The following ADGRA2 variants were observed in gnomAD, a reference collection of about 807,000 sequenced individuals.
ADGRA2 encodes adhesion G protein-coupled receptor A2.
In ADGRA2, 61 loss-of-function variants were observed where a neutral mutation model predicts 98.7. The ratio of observed to expected loss-of-function variants is 0.62; its 90% confidence interval spans 0.50 to 0.76. The LOEUF (loss-of-function observed/expected upper bound fraction) is 0.76. ADGRA2 is among the 30% of genes least tolerant of loss of function. The pLI is 0.00. For synonymous variants in ADGRA2, 858 were observed against 831.5 expected, an observed-to-expected ratio of 1.03 and a Z score of -0.55; for missense variants, 1,712 against 1,860.0, an observed-to-expected ratio of 0.92 and a Z score of 1.46.
chr8:37,835,474 G>A, intron 12 of ADGRA2, 76 bp downstream of exon 12: 1 of 1,495,928 alleles, frequency 6.7e-7, no homozygotes, highest in Non-Finnish European at 9.3e-7. Flanking sequence ...GGCAGTGAGA[G>A]GAGGTGGGAG....
At chr8:37,801,238 G>C (rs550241488) in intron 1 of ADGRA2, among the ~76,000 whole-genome samples, 3 of 152,078 alleles carry the variant, frequency 2.0e-5, no homozygotes, top group Non-Finnish European at 2.9e-5. Context: ...ATTTTCATTC[G>C]CAGTTTTCCA....
chr8:37,840,336 G>T, intron 17 of ADGRA2, 70 bp downstream of exon 17: 1 of 1,531,872 alleles, frequency 6.5e-7, no homozygotes, highest in Non-Finnish European at 8.9e-7. Context: ...ACCTCCCAAG[G>T]TGGGTGAAGG....
At position 37,844,468 on chromosome 8, in the gene ADGRA2, A is replaced by G; in HGVS notation, c.*2113A>G. 1 of 1,607,602 alleles carries G rather than the reference A, an allele frequency of 6.2e-7. No homozygotes were observed. ...GTTATCAAGCTGTCAGAACAGGATG[A>G]AGTGCTCCCAGTGGATATCCATCAG... is the stretch of plus-strand genomic sequence containing the variant. On this transcript the variant is annotated 3_prime_UTR_variant, in exon 19 of 19. Coordinates refer to ENST00000412232, the MANE Select transcript of ADGRA2 (RefSeq NM_032777.10).
In ADGRA2 at chr8:37,799,414, G is replaced by T. The variant is rs573146073; in HGVS notation, c.266+1880G>T. Among the ~76,000 whole-genome samples the T allele has an allele frequency of 8.6e-5, 13 of 151,910 alleles. No individual in the cohort carries two copies. In the South Asian group the frequency reaches 2.5e-3, roughly 29 times the overall value. Reference sequence around the variant, plus strand: ...AAGAATTCAGAGCTGAGAGCTGTGCGTGCATGTGTGCACACTCTTGTGTCT... The same window carrying T: ...AAGAATTCAGAGCTGAGAGCTGTGCTTGCATGTGTGCACACTCTTGTGTCT... On this transcript the variant is annotated intron_variant, in intron 1 of 18. Transcript: ENST00000412232.
chr8:37,837,445 TG>T (rs1260035943), intron 13 of ADGRA2, among the ~76,000 whole-genome samples: 1 of 144,540 alleles, frequency 6.9e-6, no homozygotes, highest in Non-Finnish European at 1.5e-5. Context: ...CCCGCCAGCC[TG>T]AGTCCTCACC....
chr8:37,797,339 TGCTGCTCCTGGCGCCCGAG>T lies in ADGRA2; in HGVS notation c.75_93del (p.Leu26GlyfsTer23). 3 of 1,393,120 alleles carry T rather than the reference TGCTGCTCCTGGCGCCCGAG, an allele frequency of 2.2e-6. No individual in the cohort carries two copies. The highest frequency in any genetic ancestry group is 2.8e-6 in the Non-Finnish European group (3 of 1,077,524). The allele number at this position is 1,393,120 out of a possible 1,614,324, so 86.3% of individuals were successfully genotyped here. A position where few individuals can be genotyped will look rare whatever the true frequency, so the allele number is the denominator to read the frequency against. The stretch of plus-strand genomic sequence containing the variant: ...CTGCTGCCGCTGCTGCCGTGGCTCC[TGCTGCTCCTGGCGCCCGAG>T]GCTCGGGGCGCGCCCGGCTGCCCGC... On this transcript the variant is annotated frameshift_variant, in exon 1 of 19. Transcript: ENST00000412232. LOFTEE classifies it high-confidence loss of function. The surrounding 1 kb of genome is among the most constrained non-coding windows in gnomAD (Gnocchi z 5.3).
chr8:37,821,421 G>A (rs1261639176), intron 2 of ADGRA2, among the ~76,000 whole-genome samples: 1 of 152,202 alleles, frequency 6.6e-6, no homozygotes, highest in Non-Finnish European at 1.5e-5. Flanking sequence ...TTTGCCTACA[G>A]TTCCCAGCCT....
At chr8:37,804,130 C>CACACACACAT (rs1554522471) in intron 1 of ADGRA2, among the ~76,000 whole-genome samples, 1,702 of 148,658 alleles carry the variant, frequency 0.011, 32 homozygotes, top group African/African-American at 0.032. Context: ...CACACACACA[C>CACACACACAT]ACACACACAC....
rs770139947 is a variant in ADGRA2, at chr8:37,833,740, A to T, written c.1349A>T (p.Tyr450Phe). 1.2e-6 allele frequency: 2 copies of T among 1,614,060 alleles called. No homozygotes were observed. The highest frequency in any genetic ancestry group is 2.7e-5 in the African/African-American group (2 of 74,950). ...ACCCTGGCTCACCAGCTGCGCGTGT[A>T]CACAGCCGAGGCCGCTAGCTTTTCA... ...ALTLAHQLRV[Y>F]TAEAASFSDM... The change falls in exon 10 of 19, where the codon TAC becomes TTC. Residue 450 changes from tyrosine to phenylalanine, a missense_variant. By Grantham distance (22) the Tyr-to-Phe change is conservative (BLOSUM62 3). Coordinates refer to ENST00000412232, the MANE Select transcript of ADGRA2 (RefSeq NM_032777.10).
At position 37,844,719 on chromosome 8, in the gene ADGRA2, C is replaced by T. The variant is rs770857533; in HGVS notation, c.*2364C>T. ...GGCCGGCCGCTTCCCCTGGGGTAAA[C>T]CTAAGGAATTATTTCCCACCTCCCC... On this transcript the variant is annotated 3_prime_UTR_variant, in exon 19 of 19. Transcript: ENST00000412232. 1 of 1,613,914 alleles carries T rather than the reference C, an allele frequency of 6.2e-7. No homozygotes were observed. The highest frequency in any genetic ancestry group is 1.3e-5 in the African/African-American group (1 of 74,888).
chr8:37,841,368 C>A lies in ADGRA2; in HGVS notation c.3030C>A (p.Asp1010Glu). The A allele has an allele frequency of 6.2e-7, 1 of 1,609,362 alleles. No individual in the cohort carries two copies. The highest frequency in any genetic ancestry group is 8.5e-7 in the Non-Finnish European group (1 of 1,178,248). The change falls in exon 19 of 19, where the codon GAC (aspartate) becomes GAA (glutamate). Residue 1010 changes from aspartate to glutamate, a missense_variant. Coordinates refer to ENST00000412232, the MANE Select transcript of ADGRA2 (RefSeq NM_032777.10). This position sits in a 1 kb window ranked among gnomAD's most constrained non-coding sequence, Gnocchi z 5.0. ...VGTPGPPEDGDSLYSPGVQLG... is the reference protein window; with the variant it reads ...VGTPGPPEDGESLYSPGVQLG... ...CGCCCGGGCCCCCGGAGGATGGTGA[C>A]AGCCTCTATTCTCCGGGAGTCCAGC... is the stretch of plus-strand genomic sequence containing the variant.
chr8:37,837,626 G>T, intron 13 of ADGRA2, 105 bp from the exon 14 acceptor site: 1 of 930,856 alleles, frequency 1.1e-6, no homozygotes, highest in Non-Finnish European at 1.7e-6. Context: ...TGCCTGGCAG[G>T]TGCCTAGTAC....
chr8:37,831,519 C>G lies in ADGRA2; in HGVS notation c.1029C>G (p.Ile343Met). 1 of 1,613,896 alleles carries G rather than the reference C, an allele frequency of 6.2e-7. No individual in the cohort carries two copies. Among genetic ancestry groups the G allele is most frequent in the Non-Finnish European group, 8.5e-7 (1 of 1,180,010 alleles). Residue 343 changes from isoleucine (I) to methionine (M), a missense_variant, in exon 8 of 19, where the codon ATC becomes ATG. Physicochemically the swap from Ile to Met is conservative, Grantham distance 10. Transcript: ENST00000412232. ...AQGNASKKVEIVVLETSASYC... is the reference protein window; with the variant it reads ...AQGNASKKVEMVVLETSASYC... The stretch of plus-strand genomic sequence containing the variant: ...GCAACGCCAGCAAGAAGGTGGAGAT[C>G]GTGGTGCTGGAGACCTCTGCCTCCT...
chr8:37,831,431 C>A lies in ADGRA2; in HGVS notation c.941C>A (p.Thr314Lys), dbSNP rs755608252. The change falls in exon 8 of 19, where the codon ACG becomes AAG. Residue 314 changes from threonine to lysine, a missense_variant. By Grantham distance (78) the Thr-to-Lys change is moderately conservative (BLOSUM62 -1). Transcript: ENST00000412232. ...CCACCTGCCACCCGCAGTGAGCTGA[C>A]GCTGTCTCACATCGGCGTGTGGGCC... ...HDCTFITSEL[T>K]LSHIGVWASG... The A allele has an allele frequency of 3.1e-6, 5 of 1,610,962 alleles. No individual in the cohort carries two copies. The highest frequency in any genetic ancestry group is 4.2e-6 in the Non-Finnish European group (5 of 1,179,982).
chr8:37,801,556 G>A (rs937358265), intron 1 of ADGRA2, among the ~76,000 whole-genome samples: 7 of 152,190 alleles, frequency 4.6e-5, no homozygotes, highest in Non-Finnish European at 8.8e-5. Flanking sequence ...TTCCAGGAAA[G>A]GACTGTTTGT....
chr8:37,825,469 G>A (rs544029284), intron 2 of ADGRA2, among the ~76,000 whole-genome samples: 70 of 149,868 alleles, frequency 4.7e-4, no homozygotes, highest in Admixed American at 1.6e-3. Context: ...GGCTGGTCTC[G>A]AACTCCTGAC....
At position 37,834,168 on chromosome 8, in the gene ADGRA2, A is replaced by G. The variant is rs897271120; in HGVS notation, c.1608+40A>G. The G allele has an allele frequency of 1.3e-6, 2 of 1,559,160 alleles. No individual in the cohort carries two copies. Among genetic ancestry groups the G allele is most frequent in the African/African-American group, 2.7e-5 (2 of 74,038 alleles). ...CAGAGGGGGTGGCCCTGGCATGCAG[A>G]GGAGGGAGGCGCTCCCTCTCAGGCG... is the stretch of plus-strand genomic sequence containing the variant. On this transcript the variant is annotated intron_variant, in intron 11 of 18. Transcript: ENST00000412232. The surrounding 1 kb of genome is among the most constrained non-coding windows in gnomAD (Gnocchi z 4.2).
intron 1 of ADGRA2, among the ~76,000 whole-genome samples, chr8:37,804,112 C>G (rs1418163321): frequency 1.3e-4 from 19 of 144,602 alleles, no homozygotes; most frequent in African/African-American, 4.9e-4. Context: ...CACACACACA[C>G]ACACACACAC....
chr8:37,837,897 C>T lies in ADGRA2; in HGVS notation c.2217C>T (p.Ser739=), dbSNP rs1226221089. Reference sequence around the variant, plus strand: ...TCCGCTCCAGCCAGCCCAATGTCAGCGCCCTGCACTGCCAGCACTTGGGCA... The same window carrying T: ...TCCGCTCCAGCCAGCCCAATGTCAGTGCCCTGCACTGCCAGCACTTGGGCA... ...CQLRSSQPNV[S]ALHCQHLGNV... is the part of the protein sequence containing the mutation. The change falls in exon 14 of 19, where the codon AGC becomes AGT. Residue 739 remains serine, a synonymous_variant. Transcript: ENST00000412232. The T allele has an allele frequency of 2.0e-6, 3 of 1,475,910 alleles. No individual in the cohort carries two copies. Among genetic ancestry groups the T allele is most frequent in the Non-Finnish European group, 2.7e-6 (3 of 1,112,344 alleles). The allele number at this position is 1,475,910 out of a possible 1,614,324, so 91.4% of individuals were successfully genotyped here. A position where few individuals can be genotyped will look rare whatever the true frequency, so the allele number is the denominator to read the frequency against.
Sources: allele counts gnomAD v4.1 joint callset (sites outside exome capture counted in the v4.1 genomes callset), GRCh38; gene constraint gnomAD v4.1.1; non-coding constraint Gnocchi (gnomAD v3.1); transcripts MANE v1.5; gene names NCBI Gene and HGNC (gene_info 2026-07-23, HGNC 2026-07-21).